Variants in LRSAM1 observed in about 807,000 individuals in gnomAD.
The protein encoded by LRSAM1 is leucine rich repeat and sterile alpha motif containing 1.
LRSAM1 carries 96 observed loss-of-function variants against 118.1 expected under a neutral mutation model. That is an observed-to-expected ratio of 0.81 (90% CI 0.69 to 0.96). The LOEUF (loss-of-function observed/expected upper bound fraction) is 0.96. Ranked by LOEUF, LRSAM1 falls within the 40% of genes least tolerant of loss-of-function variation. The pLI is 0.00. For synonymous variants in LRSAM1, 322 were observed against 364.2 expected (o/e 0.88, Z 1.32); for missense variants, 804 against 915.5 (o/e 0.88, Z 1.57).
intron 4 of LRSAM1, 40 bp from the exon 5 acceptor site, chr9:127,455,536 G>T: frequency 1.2e-6 from 2 of 1,608,114 alleles, no homozygotes; most frequent in East Asian, 4.5e-5. Flanking sequence ...CTAAAAACTG[G>T]CAGGAGGGGA....
intron 7 of LRSAM1, 145 bp downstream of exon 7, chr9:127,459,216 G>GTT: frequency 3.2e-5 from 23 of 712,884 alleles, no homozygotes; most frequent in Non-Finnish European, 4.2e-5. Flanking sequence ...GGCCCTTTGG[G>GTT]GTTTTTTTTT....
intron 24 of LRSAM1, among the ~76,000 whole-genome samples, chr9:127,497,816 A>G (rs545583135): frequency 3.3e-5 from 5 of 152,288 alleles, no homozygotes; most frequent in Admixed American, 2.6e-4. Flanking sequence ...GGGGTCTGCC[A>G]TGTGCTGAGC....
intron 21 of LRSAM1, among the ~76,000 whole-genome samples, chr9:127,494,787 A>T (rs951928952): frequency 6.6e-6 from 1 of 152,152 alleles, no homozygotes. Context: ...TGTACTAAAA[A>T]TATAAAAATT....
intron 21 of LRSAM1, among the ~76,000 whole-genome samples, chr9:127,495,090 T>A (rs1340435391): frequency 2.0e-5 from 3 of 152,150 alleles, no homozygotes; most frequent in African/African-American, 7.2e-5. Context: ...TAGCTGGGAT[T>A]ACAGGCATGT....
Position 127,495,323 on chromosome 9 carries a change from G to GAGTT in LRSAM1, c.1606_1609dup (p.Glu537ValfsTer6). On this transcript the variant is annotated frameshift_variant, in exon 22 of 26. Coordinates refer to ENST00000300417, the MANE Select transcript of LRSAM1 (RefSeq NM_001005373.4). LOFTEE classifies it high-confidence loss of function. ...TTGCCTGCTTCATTCCTGGCAGACG[G>GAGTT]AGTTAGAAGCCAAAAGTGAAACCAG... 1 of 1,613,882 alleles carries GAGTT rather than the reference G, an allele frequency of 6.2e-7. No individual in the cohort carries two copies. The highest frequency in any genetic ancestry group is 8.5e-7 in the Non-Finnish European group (1 of 1,179,842).
At position 127,492,902 on chromosome 9, in the gene LRSAM1, G is replaced by A. The variant is rs1401940817; in HGVS notation, c.1599+5G>A. ...GAAGAGCTCCGGGAAATCCTGGTAT[G>A]TGTTTGGCTTCTGTGCTCAGCATCA... On this transcript the variant is annotated splice_donor_5th_base_variant and intron_variant, in intron 21 of 25. Coordinates refer to ENST00000300417, the MANE Select transcript of LRSAM1 (RefSeq NM_001005373.4). The A allele has an allele frequency of 1.2e-6, 2 of 1,613,564 alleles. No homozygotes were observed. The highest frequency in any genetic ancestry group is 1.3e-5 in the African/African-American group (1 of 75,060).
chr9:127,455,014 C>A lies in LRSAM1; in HGVS notation c.89C>A (p.Ala30Glu), dbSNP rs769070078. The change falls in exon 4 of 26, where the codon GCA becomes GAA. Residue 30 changes from alanine (A) to glutamate (E), a missense_variant. By Grantham distance (107) the Ala-to-Glu change is moderately radical (BLOSUM62 -1). Transcript: ENST00000300417. ...TATCCTTAGGCAAAAGAAGCTGGGG[C>A]AGATGACATTCTCGACATCTCTAAA... is the stretch of plus-strand genomic sequence containing the variant. ...YQMCLAKEAG[A>E]DDILDISKCE... 1.9e-6 allele frequency: 3 copies of A among 1,614,126 alleles called. No individual in the cohort carries two copies. Among genetic ancestry groups the A allele is most frequent in the Non-Finnish European group, 2.5e-6 (3 of 1,179,990 alleles).
intron 24 of LRSAM1, among the ~76,000 whole-genome samples, chr9:127,497,616 A>G (rs1323297239): frequency 6.6e-6 from 1 of 151,970 alleles, no homozygotes; most frequent in East Asian, 1.9e-4. Context: ...AGTCCACCCT[A>G]CAGACGCTGG....
At chr9:127,498,684 C>A (rs1177623852) in intron 24 of LRSAM1, among the ~76,000 whole-genome samples, 3 of 152,242 alleles carry the variant, frequency 2.0e-5, no homozygotes, top group Admixed American at 6.5e-5. Flanking sequence ...GATCCGTCCT[C>A]AGTTCCAGAA....
At position 127,461,213 on chromosome 9, in the gene LRSAM1, G is replaced by A. The variant is rs143910539; in HGVS notation, c.362G>A (p.Arg121His). 4.4e-5 allele frequency: 71 copies of A among 1,612,184 alleles called. No individual in the cohort carries two copies. Among genetic ancestry groups the A allele is most frequent in the Middle Eastern group, 3.3e-4 (2 of 6,048 alleles). ...VERNQLMQLP[R>H]SIGNLTQLQT... The stretch of plus-strand genomic sequence containing the variant: ...AGGAATCAACTGATGCAGCTCCCAC[G>A]TTCCATTGGGAACCTGACCCAGCTC... The change falls in exon 8 of 26, where the codon CGT becomes CAT. Residue 121 changes from arginine to histidine, a missense_variant. Physicochemically the swap from Arg to His is conservative, Grantham distance 29. Transcript: ENST00000300417.
chr9:127,454,855 G>T (rs1190578813), intron 3 of LRSAM1, 143 bp from the exon 4 acceptor site: 4 of 909,646 alleles, frequency 4.4e-6, no homozygotes, highest in Non-Finnish European at 5.4e-6. Flanking sequence ...AGGGGTCATT[G>T]GTTCACCTGC....
At position 127,502,949 on chromosome 9, in the gene LRSAM1, G is replaced by A. The variant is rs1320603212; in HGVS notation, c.*50G>A. ...GTCCTAGCCCTGCCTCGGCCACTGTGAGCCCCGGGCTCCTGCTCAGCCTTG... is the reference window on the plus strand; with the variant it reads ...GTCCTAGCCCTGCCTCGGCCACTGTAAGCCCCGGGCTCCTGCTCAGCCTTG... On this transcript the variant is annotated 3_prime_UTR_variant, in exon 26 of 26. Coordinates refer to ENST00000300417, the MANE Select transcript of LRSAM1 (RefSeq NM_001005373.4). 6.4e-7 allele frequency: 1 copy of A among 1,555,340 alleles called. No homozygotes were observed. The highest frequency in any genetic ancestry group is 8.7e-7 in the Non-Finnish European group (1 of 1,151,126).
chr9:127,453,769 T>G (rs1834408668), intron 2 of LRSAM1: 1 of 153,216 alleles, frequency 6.5e-6, no homozygotes, highest in Non-Finnish European at 1.5e-5. Flanking sequence ...GCTCAATGTT[T>G]AGTCAACAAA....
At chr9:127,484,260 T>TC (rs1223745832) in intron 16 of LRSAM1, among the ~76,000 whole-genome samples, 2 of 112,246 alleles carry the variant, frequency 1.8e-5, no homozygotes, top group African/African-American at 3.5e-5. Context: ...TGAATTTCTT[T>TC]CCCTTTTTTT....
chr9:127,458,454 CTTGTA>C (rs1834612220), intron 6 of LRSAM1, among the ~76,000 whole-genome samples: 1 of 151,466 alleles, frequency 6.6e-6, no homozygotes, highest in African/African-American at 2.4e-5. Context: ...TTGGCTTGTG[CTTGTA>C]ATCCCAGCTA....
chr9:127,496,489 A>C (rs911113383), intron 23 of LRSAM1, among the ~76,000 whole-genome samples: 7 of 152,254 alleles, frequency 4.6e-5, no homozygotes, highest in South Asian at 2.1e-4. Flanking sequence ...CAGCACATTA[A>C]TCCACTTATT....
In LRSAM1 at chr9:127,503,001, C is replaced by A; in HGVS notation, c.*102C>A. 6.7e-7 allele frequency: 1 copy of A among 1,484,822 alleles called. No homozygotes were observed. The highest frequency in any genetic ancestry group is 9.1e-7 in the Non-Finnish European group (1 of 1,098,332). The allele number at this position is 1,484,822 out of a possible 1,614,324, so 92.0% of individuals were successfully genotyped here. A position where few individuals can be genotyped will look rare whatever the true frequency, so the allele number is the denominator to read the frequency against. Reference sequence around the variant, plus strand: ...GCCAGCCAGACTCGTATGAGGCTCCCCCCTGCCCTGGGCCCCTTCCCCACT... The same window carrying A: ...GCCAGCCAGACTCGTATGAGGCTCCACCCTGCCCTGGGCCCCTTCCCCACT... On this transcript the variant is annotated 3_prime_UTR_variant, in exon 26 of 26. Coordinates refer to ENST00000300417, the MANE Select transcript of LRSAM1 (RefSeq NM_001005373.4).
chr9:127,497,602 C>T (rs1461540432), intron 24 of LRSAM1, among the ~76,000 whole-genome samples: 2 of 152,034 alleles, frequency 1.3e-5, no homozygotes, highest in East Asian at 3.9e-4. Context: ...CATAGCCTTC[C>T]CTCAGTCCAC....
intron 24 of LRSAM1, among the ~76,000 whole-genome samples, chr9:127,498,678 C>T (rs976221695): frequency 3.9e-5 from 6 of 152,208 alleles, no homozygotes; most frequent in East Asian, 1.9e-4. Context: ...TGGTGGGATC[C>T]GTCCTCAGTT....
Sources: allele counts gnomAD v4.1 joint callset (sites outside exome capture counted in the v4.1 genomes callset), GRCh38; gene constraint gnomAD v4.1.1; transcripts MANE v1.5; gene names NCBI Gene and HGNC (gene_info 2026-07-23, HGNC 2026-07-21).